Variants in CARD10 observed in about 807,000 individuals in gnomAD.
CARD10 encodes the protein caspase recruitment domain family member 10.
A neutral mutation model predicts 114.6 loss-of-function variants in CARD10; 49 were observed. The observed-to-expected ratio is 0.43, with a 90% CI of 0.34 to 0.54. The LOEUF (loss-of-function observed/expected upper bound fraction) is 0.54, where lower values mean the gene tolerates loss of function less well. Ranked by LOEUF, CARD10 falls within the 20% of genes least tolerant of loss-of-function variation. CARD10 has a pLI of 0.03. For synonymous variants in CARD10, 602 were observed against 593.2 expected, an observed-to-expected ratio of 1.01 and a Z score of -0.21; for missense variants, 1,206 against 1,397.2, an observed-to-expected ratio of 0.86 and a Z score of 2.18.
intron 11 of CARD10, among the ~76,000 whole-genome samples, chr22:37,500,798 T>C (rs900354018): frequency 1.3e-5 from 2 of 152,140 alleles, no homozygotes; most frequent in Non-Finnish European, 2.9e-5. Flanking sequence ...GCAGAGCTGC[T>C]CTGAGGATTA....
At chr22:37,516,607 C>T (rs1192674593) in intron 2 of CARD10, among the ~76,000 whole-genome samples, 1 of 152,076 alleles carries the variant, frequency 6.6e-6, no homozygotes, top group African/African-American at 2.4e-5. Flanking sequence ...ATAAAGAGCT[C>T]CTACAAATCA....
intron 4 of CARD10, chr22:37,509,182 C>T (rs920374968): frequency 1.0e-5 from 15 of 1,432,076 alleles, no homozygotes; most frequent in Non-Finnish European, 1.4e-5. Flanking sequence ...GCTCTCATCC[C>T]CCACTTCCTG....
intron 4 of CARD10, chr22:37,509,067 GTCT>G (rs1343537623): frequency 1.9e-6 from 3 of 1,549,278 alleles, no homozygotes; most frequent in Non-Finnish European, 2.6e-6. Context: ...ATGACTAGGG[GTCT>G]TCAAGGGGCT....
In CARD10 at chr22:37,501,474, A is replaced by G. The variant is rs955415393; in HGVS notation, c.1787+1128T>C. 1.3e-5 allele frequency among the ~76,000 whole-genome samples: 2 copies of G among 152,166 alleles called. No individual in the cohort carries two copies. The highest frequency in any genetic ancestry group is 2.9e-5 in the Non-Finnish European group (2 of 68,012). On this transcript the variant is annotated intron_variant, in intron 11 of 19. Transcript: ENST00000251973. This position sits in a 1 kb window ranked among gnomAD's most constrained non-coding sequence, Gnocchi z 5.4. ...CTCGCTGAGCCCACTGCCGGGGGCC[A>G]GGTGGGGGCAGGGCCTGGACACTGG...
In CARD10 at chr22:37,506,403, G is replaced by A. The variant is rs1203004366; in HGVS notation, c.1192-20C>T. 6.6e-7 allele frequency: 1 copy of A among 1,522,598 alleles called. No individual in the cohort carries two copies. Among genetic ancestry groups the A allele is most frequent in the Admixed American group, 1.9e-5 (1 of 51,448 alleles). The allele number at this position is 1,522,598 out of a possible 1,614,324, so 94.3% of individuals were successfully genotyped here. ...GATGGCCTAGGGTTGGGGGAGGGGA[G>A]GCAGCAGCTGAAGGAGCCACCTTGG... On this transcript the variant is annotated intron_variant, in intron 6 of 19. Transcript: ENST00000251973.
intron 11 of CARD10, 34 bp downstream of exon 11, chr22:37,502,568 C>A: frequency 6.2e-7 from 1 of 1,607,766 alleles, no homozygotes; most frequent in Non-Finnish European, 8.5e-7. Flanking sequence ...CAAGCAATCA[C>A]CCCAGCTCCA....
chr22:37,507,818 G>A lies in CARD10; in HGVS notation c.1191+11C>T. ...CTGGCCCAGGGCCTCGTACACGCAGGCTGGGCTCACCTGGTCTCGCTCCTT... is the reference window on the plus strand; with the variant it reads ...CTGGCCCAGGGCCTCGTACACGCAGACTGGGCTCACCTGGTCTCGCTCCTT... On this transcript the variant is annotated intron_variant, in intron 6 of 19. Transcript: ENST00000251973. The A allele has an allele frequency of 1.2e-6, 2 of 1,614,074 alleles. No individual in the cohort carries two copies. Among genetic ancestry groups the A allele is most frequent in the Non-Finnish European group, 1.7e-6 (2 of 1,179,954 alleles).
At chr22:37,500,768 G>A (rs909936711) in intron 11 of CARD10, among the ~76,000 whole-genome samples, 2 of 152,164 alleles carry the variant, frequency 1.3e-5, no homozygotes, top group Non-Finnish European at 2.9e-5. Context: ...TCTGTGTAAC[G>A]AGGTTAAAAT....
Position 37,518,334 on chromosome 22 carries a change from C to T in CARD10, c.236-226G>A, listed in dbSNP as rs534567655. On this transcript the variant is annotated intron_variant, in intron 1 of 19. Transcript: ENST00000251973. Reference sequence around the variant, plus strand: ...CCTGGGCTCCCAGAGCTCCCCAACACCCCCCACAGACACAGATGCCGGCCC... The same window carrying T: ...CCTGGGCTCCCAGAGCTCCCCAACATCCCCCACAGACACAGATGCCGGCCC... 7.7e-3 allele frequency among the ~76,000 whole-genome samples: 1,176 copies of T among 152,266 alleles called. 13 individuals carry two copies. The highest frequency in any genetic ancestry group is 0.027 in the African/African-American group (1,113 of 41,532).
intron 16 of CARD10, among the ~76,000 whole-genome samples, chr22:37,493,049 A>C (rs1162121273): frequency 6.6e-6 from 1 of 152,150 alleles, no homozygotes; most frequent in East Asian, 1.9e-4. Flanking sequence ...TTTAAAAAGC[A>C]AATCAGATCA....
At position 37,496,499 on chromosome 22, in the gene CARD10, G is replaced by C. The variant is rs751008593; in HGVS notation, c.2009C>G (p.Thr670Ser). The C allele has an allele frequency of 1.2e-6, 2 of 1,613,684 alleles. No individual in the cohort carries two copies. The highest frequency in any genetic ancestry group is 1.3e-5 in the African/African-American group (1 of 74,872). ...TGTGGACCCCTGATTCCAGAGCAAGGTTCTCTGCTGGGCCTCGGCTTCCAG... is the reference window on the plus strand; with the variant it reads ...TGTGGACCCCTGATTCCAGAGCAAGCTTCTCTGCTGGGCCTCGGCTTCCAG... ...ACLEAEAQQR[T>S]LLWNQGSTLP... Residue 670 changes from threonine (T) to serine (S), a missense_variant, in exon 13 of 20, where the codon ACC becomes AGC. Around this residue, in one of 2 missense-constraint regions of CARD10, gnomAD observed 1,068 missense variants for 1,179.1 expected, o/e 0.91. Transcript: ENST00000251973. This position sits in a 1 kb window ranked among gnomAD's most constrained non-coding sequence, Gnocchi z 4.1.
chr22:37,507,749 T>C lies in CARD10; in HGVS notation c.1191+80A>G. ...CTAACGTCTCTTTCTACCATTCTAGTCCCCTCCATTGCTCCTTGTCTCCTC... is the reference window on the plus strand; with the variant it reads ...CTAACGTCTCTTTCTACCATTCTAGCCCCCTCCATTGCTCCTTGTCTCCTC... On this transcript the variant is annotated intron_variant, in intron 6 of 19. Transcript: ENST00000251973. The C allele has an allele frequency of 1.9e-6, 3 of 1,546,844 alleles. No homozygotes were observed. In the South Asian group the frequency reaches 3.4e-5, roughly 18 times the overall value.
intron 4 of CARD10, 98 bp from the exon 5 acceptor site, chr22:37,508,780 A>C: frequency 7.4e-7 from 1 of 1,343,798 alleles, no homozygotes; most frequent in South Asian, 1.4e-5. Flanking sequence ...CTCCAAACCC[A>C]CCTGACCAGC....
chr22:37,505,110 C>A (rs1923359862), intron 7 of CARD10, among the ~76,000 whole-genome samples: 1 of 152,106 alleles, frequency 6.6e-6, no homozygotes, highest in Non-Finnish European at 1.5e-5. Context: ...CCAGGCAGAT[C>A]AACAGCATGT....
Position 37,492,712 on chromosome 22 carries a change from G to A in CARD10, c.2567C>T (p.Ala856Val), listed in dbSNP as rs751254949. Residue 856 changes from alanine to valine, a missense_variant, in exon 17 of 20, where the codon GCG (alanine) becomes GTG (valine). Coordinates refer to ENST00000251973, the MANE Select transcript of CARD10 (RefSeq NM_014550.4). The surrounding 1 kb of genome is among the most constrained non-coding windows in gnomAD (Gnocchi z 5.7). ...TAGCAGGTTACGGATGAGCCGGGGC[G>A]CCAGGCACTCAGGCAACAGCACCAC... ...RPVVLLPECL[A>V]PRLIRNLLDL... The A allele has an allele frequency of 3.3e-5, 54 of 1,612,948 alleles. 1 individual carries two copies. The highest frequency in any genetic ancestry group is 1.6e-4 in the Middle Eastern group (1 of 6,078).
Position 37,491,357 on chromosome 22 carries a change from C to G in CARD10, c.2901G>C (p.Glu967Asp). 6.6e-7 allele frequency: 1 copy of G among 1,524,922 alleles called. No individual in the cohort carries two copies. The highest frequency in any genetic ancestry group is 8.8e-7 in the Non-Finnish European group (1 of 1,137,724). The allele number at this position is 1,524,922 out of a possible 1,614,324, so 94.5% of individuals were successfully genotyped here. Residue 967 changes from glutamate (E) to aspartate (D), a missense_variant, in exon 20 of 20, where the codon GAG (glutamate) becomes GAC (aspartate). Coordinates refer to ENST00000251973, the MANE Select transcript of CARD10 (RefSeq NM_014550.4). ...CTGAGCCACGGCACTGCCGCAGCAG[C>G]TCTGAGTCCCGCCAGCCCGGCCGGC... ...LLGRPGWRDS[E>D]LLRQCRGSEQ...
At chr22:37,514,946 TGGAGGGAGTCA>T (rs993392386) in intron 3 of CARD10, 2 of 152,256 alleles carry the variant, frequency 1.3e-5, no homozygotes, top group African/African-American at 4.8e-5. Context: ...CACTTGCTGC[TGGAGGGAGTCA>T]GGTGAGACTT....
At chr22:37,506,975 G>T (rs1051394306) in intron 6 of CARD10, among the ~76,000 whole-genome samples, 8 of 152,200 alleles carry the variant, frequency 5.3e-5, no homozygotes, top group Non-Finnish European at 1.2e-4. Context: ...GATTCTGAGG[G>T]CATTTCTAAT....
rs1358000582 is a variant in CARD10, at chr22:37,506,135, GCTCCTGCCAGGACCCCAGCC to G, written c.1383+37_1383+56del. ...GGCACGTTCCCAGCCCTGGCCAAGA[GCTCCTGCCAGGACCCCAGCC>G]TTCCTGCCAGGACCTCCACAATCTT... On this transcript the variant is annotated intron_variant, in intron 7 of 19. Coordinates refer to ENST00000251973, the MANE Select transcript of CARD10 (RefSeq NM_014550.4). 2.9e-6 allele frequency: 4 copies of G among 1,359,218 alleles called. No homozygotes were observed. In the African/African-American group the frequency reaches 6.0e-5, roughly 20 times the overall value. The allele number at this position is 1,359,218 out of a possible 1,614,324, so 84.2% of individuals were successfully genotyped here.
Sources: gnomAD v4.1 joint callset for allele counts (sites outside exome capture counted in the v4.1 genomes callset) on GRCh38, gnomAD v4.1.1 for gene constraint, gnomAD v4.1.1 regional missense constraint, Gnocchi (gnomAD v3.1) non-coding constraint, MANE v1.5 for transcripts, NCBI Gene and HGNC (gene_info 2026-07-23, HGNC 2026-07-21) for gene names.